OTUD7A: variants seen among roughly 807,000 people sequenced by gnomAD.
The protein encoded by OTUD7A is OTU domain-containing protein 7A.
In OTUD7A, 12 loss-of-function variants were observed where a neutral mutation model predicts 65.7. The ratio of observed to expected loss-of-function variants is 0.18; its 90% confidence interval spans 0.12 to 0.30. The LOEUF is 0.30. Ranked by LOEUF, OTUD7A falls within the 10% of genes least tolerant of loss-of-function variation. The pLI, the probability that OTUD7A is intolerant of heterozygous loss-of-function variation, is 1.00. For missense variants in OTUD7A, 1,148 were observed against 1,304.8 expected (o/e 0.88, Z 1.85); for synonymous variants, 641 against 586.3 (o/e 1.09, Z -1.35).
At position 31,481,991 on chromosome 15, in the gene OTUD7A, G is replaced by A. The variant is rs1412479595; in HGVS notation, c.*1303C>T. The A allele has an allele frequency of 6.6e-6, 1 of 152,182 alleles. No homozygotes were observed. Among genetic ancestry groups the A allele is most frequent in the African/African-American group, 2.4e-5 (1 of 41,436 alleles). 9.4% of individuals were successfully genotyped at this position (152,182 alleles called of 1,614,324 possible). On this transcript the variant is annotated 3_prime_UTR_variant, in exon 13 of 13. Transcript: ENST00000307050. The stretch of plus-strand genomic sequence containing the variant: ...ATCCTCATTTCTTGGAAACAAGCTC[G>A]TTCCTTAGTGAGGCAGATTTAGCTC...
At chr15:31,522,948 G>C (rs1215178163) in intron 8 of OTUD7A, among the ~76,000 whole-genome samples, 1 of 152,196 alleles carries the variant, frequency 6.6e-6, no homozygotes, top group African/African-American at 2.4e-5. Flanking sequence ...CATACCAGGG[G>C]CTCCCAGAGC....
chr15:31,549,061 G>A (rs771496494), intron 5 of OTUD7A, among the ~76,000 whole-genome samples: 32 of 151,368 alleles, frequency 2.1e-4, no homozygotes, highest in Non-Finnish European at 2.9e-4. Context: ...GCTTGAACCC[G>A]GGAGACACAG....
intron 8 of OTUD7A, among the ~76,000 whole-genome samples, chr15:31,513,553 C>T: frequency 6.6e-6 from 1 of 152,220 alleles, no homozygotes; most frequent in East Asian, 1.9e-4. Context: ...ACTTCCATGA[C>T]CTTGACATTT....
rs2042027494 is a variant in OTUD7A, at chr15:31,527,246, T to C, written c.715A>G (p.Thr239Ala). The change falls in exon 7 of 13, where the codon ACG becomes GCG. Residue 239 changes from threonine to alanine, a missense_variant. Thr to Ala is a moderately conservative substitution (Grantham distance 58). Transcript: ENST00000307050. ...TTCAGGGCTTCCCTCTCAGCTCCCG[T>C]CCTCATCATGGTATAGAGAGCTTTC... The part of the protein sequence containing the change: ...LRKALYTMMR[T>A]GAEREALKRR... 6.2e-7 allele frequency: 1 copy of C among 1,614,066 alleles called. No homozygotes were observed. The highest frequency in any genetic ancestry group is 1.3e-5 in the African/African-American group (1 of 74,916).
rs568708448 is a variant in OTUD7A at position 31,595,122 on chromosome 15, C to G, written c.152-24925G>C. Among the ~76,000 whole-genome samples, 3 of 152,264 alleles carry G rather than the reference C, an allele frequency of 2.0e-5. No individual in the cohort carries two copies. The South Asian group carries it at 6.2e-4, about 32-fold the overall frequency. On this transcript the variant is annotated intron_variant, in intron 3 of 12. Coordinates refer to ENST00000307050, the MANE Select transcript of OTUD7A (RefSeq NM_001382637.1). ...AGGGCAGCATTCTTGGTCATTAGAA[C>G]ATCACGGTCAAACTGTGCCCTGGGC... is the stretch of plus-strand genomic sequence containing the variant.
chr15:31,745,518 T>C (rs1223761737), intron 1 of OTUD7A, among the ~76,000 whole-genome samples: 1 of 152,154 alleles, frequency 6.6e-6, no homozygotes, highest in African/African-American at 2.4e-5. Flanking sequence ...TCCTACCTAA[T>C]GCCACAAACA....
At chr15:31,734,735 A>G (rs1266875502) in intron 1 of OTUD7A, among the ~76,000 whole-genome samples, 1 of 151,794 alleles carries the variant, frequency 6.6e-6, no homozygotes, top group Non-Finnish European at 1.5e-5. Flanking sequence ...CCTTCCTTCC[A>G]CCATATACAA....
At chr15:31,863,561 T>C (rs949695080) in intron 1 of OTUD7A, among the ~76,000 whole-genome samples, 2 of 152,228 alleles carry the variant, frequency 1.3e-5, no homozygotes, top group Middle Eastern at 3.2e-3. Context: ...AGTCACAGCC[T>C]GAGCTCTATG....
intron 1 of OTUD7A, among the ~76,000 whole-genome samples, chr15:31,798,029 C>G (rs12900304): frequency 0.32 from 48,449 of 152,042 alleles, 8,643 homozygotes; most frequent in South Asian, 0.56. Context: ...GGGCATTGCT[C>G]TGTGTGTGGA....
In OTUD7A at chr15:31,477,081, C is replaced by CG. The variant is rs756417414; in HGVS notation, c.*6212dup. The stretch of plus-strand genomic sequence containing the variant: ...TCCACCAGTGGCCAATGGGGATACC[C>CG]GGGGGCCTTGGCTCTCTGGCCCTGC... On this transcript the variant is annotated 3_prime_UTR_variant, in exon 13 of 13. Transcript: ENST00000307050. 12 of 152,566 alleles carry CG rather than the reference C, an allele frequency of 7.9e-5. 1 individual carries two copies. The highest frequency in any genetic ancestry group is 4.6e-4 in the Admixed American group (7 of 15,316). 9.5% of individuals were successfully genotyped at this position (152,566 alleles called of 1,614,324 possible).
rs560539563 is a variant in OTUD7A, at chr15:31,741,683, T to C, written c.-99-84606A>G. On this transcript the variant is annotated intron_variant, in intron 1 of 12. Transcript: ENST00000307050. ...ACGTAGTAAGAGACAATAAAAGCCA[T>C]AGACAGAGAAAGTTTTATTGCTTTA... 4.0e-5 allele frequency among the ~76,000 whole-genome samples: 6 copies of C among 151,852 alleles called. No individual in the cohort carries two copies. The South Asian group carries it at 6.2e-4, about 16-fold the overall frequency.
chr15:31,607,106 G>A (rs949273495), intron 3 of OTUD7A, among the ~76,000 whole-genome samples: 1 of 152,234 alleles, frequency 6.6e-6, no homozygotes, highest in Admixed American at 6.5e-5. Flanking sequence ...GGAATGTTAA[G>A]CTGAGAACTA....
At chr15:31,671,694 G>A (rs1698287008) in intron 1 of OTUD7A, among the ~76,000 whole-genome samples, 1 of 151,836 alleles carries the variant, frequency 6.6e-6, no homozygotes, top group South Asian at 2.1e-4. Flanking sequence ...CTTTTTATGT[G>A]CTTTTTGATT....
chr15:31,661,244 T>C (rs927981244), intron 1 of OTUD7A, among the ~76,000 whole-genome samples: 4 of 152,252 alleles, frequency 2.6e-5, no homozygotes, highest in African/African-American at 9.6e-5. Flanking sequence ...GTGTAGGATC[T>C]ACTGGGGTTT....
intron 1 of OTUD7A, among the ~76,000 whole-genome samples, chr15:31,822,848 G>C (rs1211605882): frequency 6.6e-6 from 1 of 152,126 alleles, no homozygotes; most frequent in South Asian, 2.1e-4. Flanking sequence ...GGAGGGGAAG[G>C]CTGCGTACCC....
chr15:31,507,593 A>T (rs1224820798), intron 8 of OTUD7A, among the ~76,000 whole-genome samples: 1 of 151,268 alleles, frequency 6.6e-6, no homozygotes, highest in Non-Finnish European at 1.5e-5. Flanking sequence ...AAGGTTCTAA[A>T]CCATGGAACA....
chr15:31,800,671 C>A (rs1422611774), intron 1 of OTUD7A, among the ~76,000 whole-genome samples: 1 of 152,210 alleles, frequency 6.6e-6, no homozygotes, highest in East Asian at 1.9e-4. Flanking sequence ...TTAGGCCCCT[C>A]TGGGTTACAG....
intron 1 of OTUD7A, among the ~76,000 whole-genome samples, chr15:31,758,491 C>T (rs1396496114): frequency 7.9e-5 from 12 of 152,228 alleles, no homozygotes; most frequent in Non-Finnish European, 2.9e-5. Flanking sequence ...CTTCTAACTG[C>T]ATTTTACAAG....
intron 3 of OTUD7A, among the ~76,000 whole-genome samples, chr15:31,639,847 T>A (rs1891459270): frequency 6.6e-6 from 1 of 152,212 alleles, no homozygotes; most frequent in African/African-American, 2.4e-5. Flanking sequence ...TTTTGCTTAT[T>A]TTTAATTGGA....
Sources: allele counts gnomAD v4.1 joint callset (sites outside exome capture counted in the v4.1 genomes callset), GRCh38; gene constraint gnomAD v4.1.1; transcripts MANE v1.5; gene names NCBI Gene and HGNC (gene_info 2026-07-23, HGNC 2026-07-21).